The following PYGB variants were observed in gnomAD, a reference collection of about 807,000 sequenced individuals.
PYGB encodes glycogen phosphorylase B, also known as glycogen phosphorylase, brain form.
Under a neutral mutation model 94.3 loss-of-function variants are expected in PYGB, and 82 were observed. That is an observed-to-expected ratio of 0.87 (90% CI 0.73 to 1.04). The LOEUF is 1.04. Ranked by LOEUF, PYGB falls within the 50% of genes least tolerant of loss-of-function variation. The probability of loss-of-function intolerance (pLI) is 0.00; values close to 1 mark genes in which losing one functional copy is unlikely to be tolerated. For synonymous variants in PYGB, 488 were observed against 479.1 expected (o/e 1.02, Z -0.24); for missense variants, 1,132 against 1,158.2 (o/e 0.98, Z 0.33).
rs748745685 is a variant in PYGB at position 25,289,836 on chromosome 20, A to G, written c.1828-645A>G. The G allele has an allele frequency of 5.6e-6, 3 of 533,310 alleles. No homozygotes were observed. In the Admixed American group the frequency reaches 5.8e-5, roughly 10 times the overall value. The allele number at this position is 533,310 out of a possible 1,614,324, so 33.0% of individuals were successfully genotyped here. On this transcript the variant is annotated intron_variant, in intron 15 of 19. Transcript: ENST00000216962. ...AATGATGTTTTCCACCAGAACCACA[A>G]TGGGAGTAGACTGAAACATCACCAC...
At chr20:25,270,082 C>T (rs1452050135) in intron 3 of PYGB, among the ~76,000 whole-genome samples, 2 of 152,220 alleles carry the variant, frequency 1.3e-5, no homozygotes, top group South Asian at 4.1e-4. Context: ...ATCCCTCTCC[C>T]TCAGCAGAGG....
Position 25,294,254 on chromosome 20 carries a change from C to T in PYGB, c.2274C>T (p.Cys758=), listed in dbSNP as rs201309324. ...TTTTTTCTCCCAAGGAGCCAGACTG[C>T]TTCAAGGACATCGTGAACATGCTGA... ...SGFFSPKEPD[C]FKDIVNMLMH... is the part of the protein sequence containing the mutation. Residue 758 remains cysteine (C), a synonymous_variant, in exon 18 of 20, where the codon TGC becomes TGT. Coordinates refer to ENST00000216962, the MANE Select transcript of PYGB (RefSeq NM_002862.4). The T allele has an allele frequency of 6.7e-7, 1 of 1,487,154 alleles. No individual in the cohort carries two copies. The highest frequency in any genetic ancestry group is 9.1e-7 in the Non-Finnish European group (1 of 1,098,856). 92.1% of individuals were successfully genotyped at this position (1,487,154 alleles called of 1,614,324 possible). A position where few individuals can be genotyped will look rare whatever the true frequency, so the allele number is the denominator to read the frequency against.
chr20:25,281,188 A>G, intron 11 of PYGB, 76 bp downstream of exon 11: 1 of 1,548,602 alleles, frequency 6.5e-7, no homozygotes, highest in Non-Finnish European at 8.8e-7. Flanking sequence ...TCCACCAAAC[A>G]CATGGACCCA....
chr20:25,264,852 C>A (rs1568686220), intron 2 of PYGB, among the ~76,000 whole-genome samples: 1 of 152,088 alleles, frequency 6.6e-6, no homozygotes, highest in Non-Finnish European at 1.5e-5. Flanking sequence ...TCCTACTGCC[C>A]AAGGTAATTT....
rs771711084 is a variant in PYGB, at chr20:25,271,424, T to A, written c.466T>A (p.Tyr156Asn). The change falls in exon 4 of 20, where the codon TAC becomes AAC. Residue 156 changes from tyrosine (Y) to asparagine (N), a missense_variant. Physicochemically the swap from Tyr to Asn is moderately radical, Grantham distance 143 (BLOSUM62 -2). Transcript: ENST00000216962. ...DSMATLGLAA[Y>N]GYGIRYEFGI... ...AATGGCTACCTTGGGCCTGGCAGCA[T>A]ACGGCTATGGAATCCGCTATGAATT... 1 of 1,614,224 alleles carries A rather than the reference T, an allele frequency of 6.2e-7. No homozygotes were observed. Among genetic ancestry groups the A allele is most frequent in the South Asian group, 1.1e-5 (1 of 91,086 alleles).
At chr20:25,271,549 C>A in intron 4 of PYGB, 63 bp downstream of exon 4, 1 of 1,539,834 alleles carries the variant, frequency 6.5e-7, no homozygotes, top group Middle Eastern at 1.7e-4. Context: ...AATGGCAGCA[C>A]TTGCAGTTTG....
chr20:25,268,327 CTGT>C (rs771810646), intron 2 of PYGB, among the ~76,000 whole-genome samples: 52 of 151,320 alleles, frequency 3.4e-4, no homozygotes, highest in Admixed American at 2.2e-3. Context: ...TGTAACTTTG[CTGT>C]TGTTATTTAA....
chr20:25,282,331 T>C (rs1219355422), intron 12 of PYGB, among the ~76,000 whole-genome samples, 184 bp downstream of exon 12: 5 of 152,224 alleles, frequency 3.3e-5, no homozygotes, highest in Non-Finnish European at 5.9e-5. Flanking sequence ...CAGTCACCCA[T>C]TGGGCCTGGC....
chr20:25,280,635 C>CT (rs1160561010), intron 10 of PYGB, among the ~76,000 whole-genome samples: 1 of 152,262 alleles, frequency 6.6e-6, no homozygotes, highest in Non-Finnish European at 1.5e-5. Flanking sequence ...TGCACGTCCT[C>CT]TCCCTCAGAC....
At chr20:25,266,474 T>G (rs533178494) in intron 2 of PYGB, among the ~76,000 whole-genome samples, 9 of 152,230 alleles carry the variant, frequency 5.9e-5, no homozygotes, top group African/African-American at 1.9e-4. Flanking sequence ...TCAATCTTCA[T>G]GACCTTGGAT....
intron 16 of PYGB, among the ~76,000 whole-genome samples, chr20:25,291,002 C>A (rs1214002772): frequency 6.6e-6 from 1 of 152,006 alleles, no homozygotes; most frequent in African/African-American, 2.4e-5. Flanking sequence ...ACCCTCCCTC[C>A]CCTGCCCTCT....
chr20:25,255,446 G>T lies in PYGB; in HGVS notation c.244-3791G>T, dbSNP rs111584256. On this transcript the variant is annotated intron_variant, in intron 1 of 19. Transcript: ENST00000216962. ...TCCAAGGCCTGGCTGGTGGAACGTG[G>T]TGCCCACTGGCCTCTGGCTGGCTCA... 1.1e-3 allele frequency among the ~76,000 whole-genome samples: 161 copies of T among 152,348 alleles called. 1 individual carries two copies. Among genetic ancestry groups the T allele is most frequent in the African/African-American group, 3.7e-3 (154 of 41,576 alleles).
rs377078051 is a variant in PYGB, at chr20:25,248,354, C to A, written c.176C>A (p.Thr59Lys). 2 of 1,599,820 alleles carry A rather than the reference C, an allele frequency of 1.3e-6. No homozygotes were observed. The highest frequency in any genetic ancestry group is 1.4e-5 in the African/African-American group (1 of 73,664). ...GACTACTTCTTCGCGCTGGCGCACA[C>A]GGTGCGCGACCACCTCGTGGGCCGC... ...PRDYFFALAH[T>K]VRDHLVGRWI... Residue 59 changes from threonine (T) to lysine (K), a missense_variant, in exon 1 of 20, where the codon ACG becomes AAG. By Grantham distance (78) the Thr-to-Lys change is moderately conservative. Transcript: ENST00000216962.
rs2092911748 is a variant in PYGB, at chr20:25,260,837, CA to C, written c.345+1500del. ...CGGCACACGAGGAAATTATATCCCG[CA>C]CCAGGCTCAGAGGGTCCCACGCCCA... On this transcript the variant is annotated intron_variant, in intron 2 of 19. Coordinates refer to ENST00000216962, the MANE Select transcript of PYGB (RefSeq NM_002862.4). Among the ~76,000 whole-genome samples the C allele has an allele frequency of 2.6e-5, 4 of 152,352 alleles. No homozygotes were observed. In the South Asian group the frequency reaches 8.3e-4, roughly 32 times the overall value.
intron 1 of PYGB, among the ~76,000 whole-genome samples, chr20:25,259,019 G>A (rs1436645890): frequency 3.9e-5 from 6 of 152,226 alleles, no homozygotes; most frequent in Non-Finnish European, 5.9e-5. Flanking sequence ...GAGGGTCAGG[G>A]AAGAGAAGGC....
intron 2 of PYGB, among the ~76,000 whole-genome samples, chr20:25,261,848 G>A (rs1386389579): frequency 1.3e-5 from 2 of 152,198 alleles, no homozygotes; most frequent in Admixed American, 6.5e-5. Flanking sequence ...AGCTTCAGTA[G>A]CCAATTCGAT....
rs1169944675 is a variant in PYGB at position 25,269,227 on chromosome 20, A to G, written c.424+20A>G. The stretch of plus-strand genomic sequence containing the variant: ...TGGCAGGTAAGTTGCCCCATCCAGG[A>G]GGAGCTCTCTCGGACCCGTTGGCTT... On this transcript the variant is annotated intron_variant, in intron 3 of 19. Coordinates refer to ENST00000216962, the MANE Select transcript of PYGB (RefSeq NM_002862.4). 1.3e-6 allele frequency: 2 copies of G among 1,542,516 alleles called. No homozygotes were observed. The highest frequency in any genetic ancestry group is 1.8e-6 in the Non-Finnish European group (2 of 1,117,600).
In PYGB at chr20:25,296,426, C is replaced by CTA; in HGVS notation, c.2437_2438insAT (p.Ser813TyrfsTer88). 6.2e-7 allele frequency: 1 copy of CTA among 1,614,104 alleles called. No individual in the cohort carries two copies. The highest frequency in any genetic ancestry group is 2.2e-5 in the East Asian group (1 of 44,872). ...GGAACATCGCCTGCTCGGGCAAGTT[C>CTA]TCCAGTGACCGGACCATCACGGAGT... On this transcript the variant is annotated frameshift_variant, in exon 20 of 20. Coordinates refer to ENST00000216962, the MANE Select transcript of PYGB (RefSeq NM_002862.4). LOFTEE classifies it high-confidence loss of function.
At chr20:25,271,091 T>G (rs1600728545) in intron 3 of PYGB, among the ~76,000 whole-genome samples, 2 of 149,668 alleles carry the variant, frequency 1.3e-5, no homozygotes, top group African/African-American at 5.1e-5. Flanking sequence ...TGTCTGAGAG[T>G]GGGGCAGTGG....
Sources: allele counts gnomAD v4.1 joint callset (sites outside exome capture counted in the v4.1 genomes callset), GRCh38; gene constraint gnomAD v4.1.1; transcripts MANE v1.5; gene names NCBI Gene and HGNC (gene_info 2026-07-23, HGNC 2026-07-21).